STXBP5L: variants seen among roughly 807,000 people sequenced by gnomAD.
The protein encoded by STXBP5L is syntaxin-binding protein 5-like.
STXBP5L carries 65 observed loss-of-function variants against 144.5 expected under a neutral mutation model. The ratio of observed to expected loss-of-function variants is 0.45; its 90% CI spans 0.37 to 0.55. STXBP5L has a LOEUF of 0.55. Ranked by LOEUF, STXBP5L falls within the 20% of genes least tolerant of loss-of-function variation. The probability of loss-of-function intolerance (pLI) is 0.00; values close to 1 mark genes in which losing one functional copy is unlikely to be tolerated. For missense variants in STXBP5L, 1,298 were observed against 1,405.5 expected (o/e 0.92, Z 1.22); for synonymous variants, 505 against 469.6 (o/e 1.08, Z -0.97).
At chr3:121,185,852 A>T (rs2047358841) in intron 9 of STXBP5L, among the ~76,000 whole-genome samples, 1 of 152,182 alleles carries the variant, frequency 6.6e-6, no homozygotes, top group Non-Finnish European at 1.5e-5. Flanking sequence ...TGGTAGCTTG[A>T]TGGAGATGGC....
intron 22 of STXBP5L, among the ~76,000 whole-genome samples, chr3:121,405,413 G>A (rs2046973463): frequency 1.3e-5 from 2 of 151,988 alleles, no homozygotes; most frequent in South Asian, 2.1e-4. Context: ...ATGAAGGCAG[G>A]GACTTTTGTC....
At chr3:121,207,339 G>T (rs1050741199) in intron 10 of STXBP5L, among the ~76,000 whole-genome samples, 2 of 151,044 alleles carry the variant, frequency 1.3e-5, no homozygotes, top group Non-Finnish European at 2.9e-5. Flanking sequence ...ATTCACGGTG[G>T]ATTAAAGACT....
At chr3:121,075,138 G>C (rs1198101328) in intron 5 of STXBP5L, among the ~76,000 whole-genome samples, 1 of 152,104 alleles carries the variant, frequency 6.6e-6, no homozygotes, top group Non-Finnish European at 1.5e-5. Context: ...ATCCATATCT[G>C]ACTTCTGAAC....
chr3:121,308,269 A>C (rs978442193), intron 19 of STXBP5L, among the ~76,000 whole-genome samples: 3 of 152,188 alleles, frequency 2.0e-5, no homozygotes, highest in African/African-American at 7.2e-5. Flanking sequence ...AATAAAATTA[A>C]ATTTTTAAAA....
chr3:121,233,882 A>G (rs895819321), intron 12 of STXBP5L, among the ~76,000 whole-genome samples, 194 bp downstream of exon 12: 2 of 152,220 alleles, frequency 1.3e-5, no homozygotes, highest in Non-Finnish European at 2.9e-5. Flanking sequence ...GAGACAACTT[A>G]AAGGCAGCAC....
At chr3:121,026,248 A>T (rs1330076905) in intron 3 of STXBP5L, among the ~76,000 whole-genome samples, 2 of 151,762 alleles carry the variant, frequency 1.3e-5, no homozygotes, top group Admixed American at 6.6e-5. Flanking sequence ...TAATAACTCA[A>T]GTTAATTCAC....
intron 5 of STXBP5L, among the ~76,000 whole-genome samples, chr3:121,048,519 A>T (rs563399197): frequency 9.9e-5 from 15 of 151,956 alleles, no homozygotes; most frequent in African/African-American, 2.9e-4. Context: ...ATAATCCTTT[A>T]TTTTTTGAGT....
At chr3:120,931,669 A>G (rs990610988) in intron 2 of STXBP5L, among the ~76,000 whole-genome samples, 7 of 152,192 alleles carry the variant, frequency 4.6e-5, no homozygotes, top group Admixed American at 2.0e-4. Flanking sequence ...GATAAGAAAA[A>G]AAATTTCTCA....
intron 3 of STXBP5L, among the ~76,000 whole-genome samples, chr3:121,005,811 C>T (rs1292200158): frequency 2.6e-5 from 4 of 152,092 alleles, no homozygotes; most frequent in Non-Finnish European, 5.9e-5. Flanking sequence ...CGTCATGTAC[C>T]CAGTAGTCAT....
At chr3:121,043,730 AAAG>A (rs1163617663) in intron 4 of STXBP5L, among the ~76,000 whole-genome samples, 2 of 152,122 alleles carry the variant, frequency 1.3e-5, no homozygotes, top group Non-Finnish European at 2.9e-5. Flanking sequence ...ACAAACAAAA[AAAG>A]AATACTGAGT....
chr3:121,034,365 T>A (rs555003557), intron 3 of STXBP5L, among the ~76,000 whole-genome samples: 3 of 152,222 alleles, frequency 2.0e-5, no homozygotes, highest in Admixed American at 2.0e-4. Context: ...TTAACTCCCA[T>A]CTATAAGTGA....
intron 5 of STXBP5L, among the ~76,000 whole-genome samples, chr3:121,103,435 G>A (rs2043533321): frequency 6.6e-6 from 1 of 152,052 alleles, no homozygotes; most frequent in South Asian, 2.1e-4. Context: ...ATTTACACAG[G>A]AACAGAAAAC....
At chr3:121,269,309 TC>T (rs2050669029) in intron 18 of STXBP5L, among the ~76,000 whole-genome samples, 1 of 152,206 alleles carries the variant, frequency 6.6e-6, no homozygotes, top group Non-Finnish European at 1.5e-5. Context: ...AATTGTTTAC[TC>T]TTTTGAAGAA....
At chr3:121,360,049 A>ATATTATTACTAAATAATATAAAAT (rs2045663265) in intron 20 of STXBP5L, among the ~76,000 whole-genome samples, 1 of 145,536 alleles carries the variant, frequency 6.9e-6, no homozygotes, top group African/African-American at 2.5e-5. Flanking sequence ...TATAATATAT[A>ATATTATTACTAAATAATATAAAAT]GTAATAATAT....
intron 2 of STXBP5L, among the ~76,000 whole-genome samples, chr3:120,936,022 C>G (rs1242871792): frequency 6.6e-6 from 1 of 152,098 alleles, no homozygotes; most frequent in Non-Finnish European, 1.5e-5. Context: ...TGATAATCAT[C>G]TCATAGTGCT....
intron 5 of STXBP5L, among the ~76,000 whole-genome samples, chr3:121,101,284 A>C (rs1227231424): frequency 1.3e-5 from 2 of 152,134 alleles, no homozygotes; most frequent in African/African-American, 4.8e-5. Flanking sequence ...GCAAAGACAC[A>C]ATGAAAAAAG....
intron 5 of STXBP5L, among the ~76,000 whole-genome samples, chr3:121,094,825 G>C (rs1025709484): frequency 6.6e-5 from 10 of 151,666 alleles, no homozygotes; most frequent in African/African-American, 9.7e-5. Flanking sequence ...ATGATGTTAG[G>C]TGGTTATTTT....
intron 20 of STXBP5L, among the ~76,000 whole-genome samples, chr3:121,372,525 G>A (rs960761518): frequency 4.6e-5 from 7 of 152,148 alleles, no homozygotes; most frequent in Non-Finnish European, 8.8e-5. Flanking sequence ...GATTCCAGAG[G>A]CCCATGGCGA....
intron 9 of STXBP5L, among the ~76,000 whole-genome samples, chr3:121,180,102 T>C (rs2047083969): frequency 6.6e-6 from 1 of 152,124 alleles, no homozygotes; most frequent in Non-Finnish European, 1.5e-5. Context: ...GGGAAATTCA[T>C]CACAAAAAAG....
Sources: gnomAD v4.1 joint callset for allele counts (sites outside exome capture counted in the v4.1 genomes callset) on GRCh38, gnomAD v4.1.1 for gene constraint, MANE v1.5 for transcripts, NCBI Gene and HGNC (gene_info 2026-07-23, HGNC 2026-07-21) for gene names.